Variants in LRRC4C observed in about 807,000 individuals in gnomAD.
LRRC4C encodes leucine rich repeat containing 4C.
LRRC4C carries 5 observed loss-of-function variants against 33.6 expected under a neutral mutation model. That is an observed-to-expected ratio of 0.15 (90% CI 0.08 to 0.31). The LOEUF (loss-of-function observed/expected upper bound fraction) is 0.31. Among genes scored for constraint, LRRC4C ranks in the 10% least tolerant of loss-of-function variants. The probability of loss-of-function intolerance (pLI) is 1.00; values close to 1 mark genes in which losing one functional copy is unlikely to be tolerated. For missense variants in LRRC4C, 560 were observed against 796.7 expected (o/e 0.70, Z 3.58); for synonymous variants, 329 against 302.0 (o/e 1.09, Z -0.93).
At chr11:40,968,682 A>G (rs2136960370) in intron 1 of LRRC4C, among the ~76,000 whole-genome samples, 1 of 152,278 alleles carries the variant, frequency 6.6e-6, no homozygotes, top group Admixed American at 6.5e-5. Flanking sequence ...ATGGAACAAC[A>G]AAGCTTGGAT....
intron 3 of LRRC4C, among the ~76,000 whole-genome samples, chr11:40,353,904 C>T (rs1289522118): frequency 6.6e-6 from 1 of 152,082 alleles, no homozygotes; most frequent in Non-Finnish European, 1.5e-5. Context: ...TCTTCATGCT[C>T]GTGAATGTTC....
chr11:40,202,560 T>A (rs535197869), intron 5 of LRRC4C, among the ~76,000 whole-genome samples: 2 of 152,178 alleles, frequency 1.3e-5, no homozygotes, highest in East Asian at 1.9e-4. Flanking sequence ...AGCTTAGAGG[T>A]CCCAAATTCT....
intron 4 of LRRC4C, among the ~76,000 whole-genome samples, chr11:40,319,066 G>T (rs1258086225): frequency 2.0e-5 from 3 of 152,052 alleles, no homozygotes; most frequent in Non-Finnish European, 4.4e-5. Flanking sequence ...TTTTTGGTAG[G>T]TCTCTCCGAT....
intron 1 of LRRC4C, among the ~76,000 whole-genome samples, chr11:41,263,177 C>A (rs755975610): frequency 2.0e-5 from 3 of 152,104 alleles, no homozygotes; most frequent in African/African-American, 4.8e-5. Context: ...GAAAATAATT[C>A]TTTCAGAGCA....
At chr11:40,625,804 C>T (rs1048230415) in intron 3 of LRRC4C, among the ~76,000 whole-genome samples, 2 of 152,052 alleles carry the variant, frequency 1.3e-5, no homozygotes, top group South Asian at 2.1e-4. Flanking sequence ...AATAGGATTG[C>T]TGTCATCACT....
intron 1 of LRRC4C, among the ~76,000 whole-genome samples, chr11:41,084,417 A>T (rs1939802951): frequency 6.6e-6 from 1 of 152,152 alleles, no homozygotes; most frequent in African/African-American, 2.4e-5. Flanking sequence ...CTATATATTA[A>T]TATTAAAAAG....
chr11:40,667,385 C>T (rs1374680598), intron 2 of LRRC4C, among the ~76,000 whole-genome samples: 4 of 152,130 alleles, frequency 2.6e-5, no homozygotes, highest in African/African-American at 9.7e-5. Context: ...CTTCAATTAG[C>T]TTTAGAATCT....
intron 1 of LRRC4C, among the ~76,000 whole-genome samples, chr11:41,150,494 T>A (rs1943941114): frequency 6.6e-6 from 1 of 152,108 alleles, no homozygotes; most frequent in Admixed American, 6.5e-5. Flanking sequence ...AAACATAATT[T>A]AAAGTAATAT....
intron 1 of LRRC4C, among the ~76,000 whole-genome samples, chr11:41,336,790 C>A (rs61877317): frequency 5.3e-5 from 8 of 152,122 alleles, no homozygotes; most frequent in Non-Finnish European, 1.0e-4. Flanking sequence ...GGCACCAACC[C>A]CAAATGAGAG....
chr11:40,409,869 A>G (rs1393915760), intron 3 of LRRC4C, among the ~76,000 whole-genome samples: 2 of 152,226 alleles, frequency 1.3e-5, no homozygotes, highest in East Asian at 3.9e-4. Flanking sequence ...TCATTACAAA[A>G]AATAGTGTGT....
At chr11:40,631,707 G>A (rs1963492693) in intron 3 of LRRC4C, among the ~76,000 whole-genome samples, 1 of 152,012 alleles carries the variant, frequency 6.6e-6, no homozygotes, top group African/African-American at 2.4e-5. Flanking sequence ...AATGTTGCTT[G>A]GAATAGCGCT....
At chr11:41,031,968 T>G (rs771784271) in intron 1 of LRRC4C, among the ~76,000 whole-genome samples, 14 of 151,990 alleles carry the variant, frequency 9.2e-5, no homozygotes, top group Non-Finnish European at 1.6e-4. Context: ...GACAAAAACC[T>G]ATGTCTTCAC....
At chr11:41,448,394 C>A (rs1336915265) in intron 1 of LRRC4C, among the ~76,000 whole-genome samples, 1 of 149,968 alleles carries the variant, frequency 6.7e-6, no homozygotes, top group African/African-American at 2.5e-5. Flanking sequence ...TAACCTCCAC[C>A]TCCCAGGTTC....
intron 5 of LRRC4C, among the ~76,000 whole-genome samples, chr11:40,210,146 AT>A (rs1863476827): frequency 6.6e-6 from 1 of 151,794 alleles, no homozygotes; most frequent in African/African-American, 2.4e-5. Context: ...AAGAATATAT[AT>A]AAAAAAAAAA....
intron 2 of LRRC4C, among the ~76,000 whole-genome samples, chr11:40,668,624 C>G (rs1019187262): frequency 3.3e-5 from 5 of 152,164 alleles, no homozygotes; most frequent in Non-Finnish European, 7.4e-5. Context: ...GAGCAAAGCT[C>G]TGTTTCTCAC....
At chr11:40,986,715 A>G (rs1853035375) in intron 1 of LRRC4C, among the ~76,000 whole-genome samples, 1 of 152,218 alleles carries the variant, frequency 6.6e-6, no homozygotes, top group African/African-American at 2.4e-5. Flanking sequence ...TTGCTGTTCC[A>G]TCATAAAAAA....
At chr11:40,160,170 T>C (rs1859036739) in intron 5 of LRRC4C, among the ~76,000 whole-genome samples, 1 of 150,376 alleles carries the variant, frequency 6.6e-6, no homozygotes, top group South Asian at 2.2e-4. Context: ...CAGAGAAGAG[T>C]TGCGAAGATT....
intron 1 of LRRC4C, among the ~76,000 whole-genome samples, chr11:41,231,710 C>T (rs1473307018): frequency 6.6e-5 from 10 of 151,744 alleles, no homozygotes; most frequent in Admixed American, 5.9e-4. Context: ...CACGTGTATA[C>T]ATATGTAACA....
chr11:41,023,590 C>T (rs1322700856), intron 1 of LRRC4C, among the ~76,000 whole-genome samples: 1 of 151,570 alleles, frequency 6.6e-6, no homozygotes, highest in Non-Finnish European at 1.5e-5. Context: ...GCATAAGGAG[C>T]TTAGGAACAG....
Sources: allele counts gnomAD v4.1 joint callset (sites outside exome capture counted in the v4.1 genomes callset), GRCh38; gene constraint gnomAD v4.1.1; transcripts MANE v1.5; gene names NCBI Gene and HGNC (gene_info 2026-07-23, HGNC 2026-07-21).